Variants in MXI1 observed in about 807,000 individuals in gnomAD.
The protein encoded by MXI1 is MAX interactor 1, dimerization protein, also known as max-interacting protein 1.
MXI1 carries 18 observed loss-of-function variants against 36.9 expected under a neutral mutation model. The observed-to-expected ratio is 0.49, with a 90% CI of 0.34 to 0.72. The LOEUF is 0.72. Ranked by LOEUF, MXI1 falls within the 30% of genes least tolerant of loss-of-function variation. The pLI, the probability that MXI1 is intolerant of heterozygous loss-of-function variation, is 0.01. For missense variants in MXI1, 304 were observed against 379.1 expected, an observed-to-expected ratio of 0.80 and a Z score of 1.64; for synonymous variants, 160 against 146.7, an observed-to-expected ratio of 1.09 and a Z score of -0.65.
At chr10:110,216,670 T>TTTTTTTG (rs1854649900) in intron 1 of MXI1, among the ~76,000 whole-genome samples, 1 of 90,930 alleles carries the variant, frequency 1.1e-5, no homozygotes, top group African/African-American at 9.5e-5. Context: ...TTAATGTTTT[T>TTTTTTTG]TTTTTTTTTT....
intron 1 of MXI1, chr10:110,210,385 T>C: frequency 1.5e-6 from 1 of 656,772 alleles, no homozygotes; most frequent in Non-Finnish European, 1.9e-6. Context: ...TATTTTTAGC[T>C]CTCTTGCTTC....
At chr10:110,212,511 T>A (rs1854538510) in intron 1 of MXI1, among the ~76,000 whole-genome samples, 1 of 152,222 alleles carries the variant, frequency 6.6e-6, no homozygotes, top group African/African-American at 2.4e-5. Flanking sequence ...TTAGATCAGT[T>A]TCCACCTCCT....
intron 3 of MXI1, among the ~76,000 whole-genome samples, chr10:110,272,725 T>C (rs1039648204): frequency 6.6e-6 from 1 of 151,462 alleles, no homozygotes; most frequent in Admixed American, 6.6e-5. Flanking sequence ...ATTTGTAGAA[T>C]TTGCAGCTTT....
intron 3 of MXI1, among the ~76,000 whole-genome samples, chr10:110,271,344 C>G (rs1276624837): frequency 2.0e-5 from 3 of 152,082 alleles, no homozygotes; most frequent in African/African-American, 7.2e-5. Context: ...TTAGAGAGTC[C>G]CAGAAACATC....
At chr10:110,209,224 G>C (rs1854444983) in intron 1 of MXI1, among the ~76,000 whole-genome samples, 2 of 152,248 alleles carry the variant, frequency 1.3e-5, no homozygotes, top group East Asian at 1.9e-4. Flanking sequence ...AGGAGGAAGG[G>C]AACTAGGCAG....
At chr10:110,225,477 A>G (rs191147594) in intron 1 of MXI1, among the ~76,000 whole-genome samples, 4 of 152,288 alleles carry the variant, frequency 2.6e-5, no homozygotes, top group East Asian at 1.9e-4. Flanking sequence ...TTGAACAGCA[A>G]TTTTGGCTTT....
intron 2 of MXI1, among the ~76,000 whole-genome samples, chr10:110,232,459 A>G (rs577119185): frequency 6.6e-6 from 1 of 152,316 alleles, no homozygotes; most frequent in East Asian, 1.9e-4. Context: ...GTAGTAGATC[A>G]GGTCTTCACA....
intron 5 of MXI1, 82 bp from the exon 6 acceptor site, chr10:110,284,742 C>G: frequency 1.6e-6 from 2 of 1,242,994 alleles, no homozygotes; most frequent in Non-Finnish European, 2.2e-6. Flanking sequence ...TTTCTTATAC[C>G]TCTTTTCCTC....
chr10:110,258,024 A>C (rs1191071009), intron 3 of MXI1, among the ~76,000 whole-genome samples: 1 of 152,266 alleles, frequency 6.6e-6, no homozygotes, highest in African/African-American at 2.4e-5. Context: ...TTAAGACTAG[A>C]TATTGAAAGA....
rs1857433358 is a variant in MXI1 at position 110,286,712 on chromosome 10, G to GT, written c.*1726dup. On this transcript the variant is annotated 3_prime_UTR_variant, in exon 6 of 6. Transcript: ENST00000332674. ...AGCATTCACTGCTTCTATATATAGT[G>GT]TACCATCTTGGTCATACATTACGCC... The GT allele has an allele frequency of 6.6e-6, 1 of 152,428 alleles. No homozygotes were observed. Among genetic ancestry groups the GT allele is most frequent in the Non-Finnish European group, 1.5e-5 (1 of 68,030 alleles). 9.4% of individuals were successfully genotyped at this position (152,428 alleles called of 1,614,324 possible).
At chr10:110,274,603 A>T (rs1242172582) in intron 3 of MXI1, among the ~76,000 whole-genome samples, 1 of 152,226 alleles carries the variant, frequency 6.6e-6, no homozygotes, top group Non-Finnish European at 1.5e-5. Context: ...TCCACCAAGG[A>T]GCTAAATTTT....
At chr10:110,233,518 C>T (rs1463155080) in intron 2 of MXI1, among the ~76,000 whole-genome samples, 1 of 151,764 alleles carries the variant, frequency 6.6e-6, no homozygotes, top group Non-Finnish European at 1.5e-5. Flanking sequence ...TTCTACTATT[C>T]TGTGTTTTTC....
chr10:110,243,877 C>T (rs927404379), intron 2 of MXI1, among the ~76,000 whole-genome samples: 2 of 152,082 alleles, frequency 1.3e-5, no homozygotes, highest in African/African-American at 4.8e-5. Context: ...TATTTGGACT[C>T]AGGCAGTTTG....
chr10:110,218,221 T>C (rs1854704722), intron 1 of MXI1, among the ~76,000 whole-genome samples: 1 of 151,942 alleles, frequency 6.6e-6, no homozygotes, highest in South Asian at 2.1e-4. Context: ...GAGGCCGAGG[T>C]GGGCGGATCA....
Position 110,285,015 on chromosome 10 carries a change from C to A in MXI1, c.*28C>A. 1 of 1,578,886 alleles carries A rather than the reference C, an allele frequency of 6.3e-7. No homozygotes were observed. The highest frequency in any genetic ancestry group is 8.6e-7 in the Non-Finnish European group (1 of 1,163,014). ...CCCAGCATGACATAACAGTGCAGGGCAAAATATTCACTGGGCCAATTCAAT... is the reference window on the plus strand; with the variant it reads ...CCCAGCATGACATAACAGTGCAGGGAAAAATATTCACTGGGCCAATTCAAT... On this transcript the variant is annotated 3_prime_UTR_variant, in exon 6 of 6. Coordinates refer to ENST00000332674, the MANE Select transcript of MXI1 (RefSeq NM_130439.3).
At chr10:110,234,036 C>T (rs1274811141) in intron 2 of MXI1, among the ~76,000 whole-genome samples, 3 of 152,130 alleles carry the variant, frequency 2.0e-5, no homozygotes, top group Non-Finnish European at 4.4e-5. Flanking sequence ...TATTATCACT[C>T]ATTTTATGAT....
At chr10:110,222,396 C>T (rs1036643019) in intron 1 of MXI1, among the ~76,000 whole-genome samples, 6 of 152,182 alleles carry the variant, frequency 3.9e-5, no homozygotes, top group Admixed American at 1.3e-4. Context: ...CTCCCCATCT[C>T]GCCTCCCTGA....
intron 3 of MXI1, among the ~76,000 whole-genome samples, chr10:110,272,556 A>G (rs990977032): frequency 1.8e-4 from 27 of 152,266 alleles, no homozygotes; most frequent in Middle Eastern, 3.4e-3. Context: ...AGAACTATTT[A>G]TATTTTATTG....
chr10:110,218,849 G>A (rs911277908), intron 1 of MXI1, among the ~76,000 whole-genome samples: 9 of 152,238 alleles, frequency 5.9e-5, no homozygotes, highest in African/African-American at 9.6e-5. Flanking sequence ...TTCTGCCAGG[G>A]AAGCCAGAGG....
Sources: gnomAD v4.1 joint callset for allele counts (sites outside exome capture counted in the v4.1 genomes callset) on GRCh38, gnomAD v4.1.1 for gene constraint, MANE v1.5 for transcripts, NCBI Gene and HGNC (gene_info 2026-07-23, HGNC 2026-07-21) for gene names.